Variants in SRGAP1 observed in about 807,000 individuals in gnomAD.
SRGAP1 encodes the protein SLIT-ROBO Rho GTPase-activating protein 1.
Under a neutral mutation model 121.9 loss-of-function variants are expected in SRGAP1, and 43 were observed. That is an observed-to-expected ratio of 0.35 (90% CI 0.28 to 0.46). The LOEUF (loss-of-function observed/expected upper bound fraction) is 0.46, where lower values mean the gene tolerates loss of function less well. Ranked by LOEUF, SRGAP1 falls within the 20% of genes least tolerant of loss-of-function variation. The probability of loss-of-function intolerance (pLI) is 1.00; values close to 1 mark genes in which losing one functional copy is unlikely to be tolerated. For synonymous variants in SRGAP1, 447 were observed against 485.4 expected, an observed-to-expected ratio of 0.92 and a Z score of 1.04; for missense variants, 1,102 against 1,350.9, an observed-to-expected ratio of 0.82 and a Z score of 2.89.
chr12:63,970,485 T>A (rs924582486), intron 1 of SRGAP1, among the ~76,000 whole-genome samples: 1 of 152,248 alleles, frequency 6.6e-6, no homozygotes, highest in African/African-American at 2.4e-5. Flanking sequence ...ATAGTATTTC[T>A]GCAATGCTGC....
intron 15 of SRGAP1, among the ~76,000 whole-genome samples, chr12:64,097,866 T>C (rs1181913460): frequency 1.3e-5 from 2 of 152,190 alleles, no homozygotes; most frequent in Non-Finnish European, 2.9e-5. Context: ...CCCAAGCTAA[T>C]AGGCAGAGTT....
chr12:63,885,920 G>T (rs146601436), intron 1 of SRGAP1, among the ~76,000 whole-genome samples: 61 of 152,326 alleles, frequency 4.0e-4, no homozygotes, highest in African/African-American at 1.4e-3. Flanking sequence ...AGAATCATCG[G>T]TGGGAAGAAA....
chr12:63,915,630 C>A (rs1370652723), intron 1 of SRGAP1, among the ~76,000 whole-genome samples: 2 of 152,124 alleles, frequency 1.3e-5, no homozygotes, highest in African/African-American at 4.8e-5. Context: ...CCAAGGAGAC[C>A]TGTGGAAATG....
intron 1 of SRGAP1, among the ~76,000 whole-genome samples, chr12:63,863,504 T>A (rs1383003654): frequency 6.6e-6 from 1 of 152,146 alleles, no homozygotes; most frequent in Non-Finnish European, 1.5e-5. Flanking sequence ...ACTCCTGGCC[T>A]TAAGTGATCT....
At chr12:64,115,927 T>G in intron 18 of SRGAP1, 34 bp downstream of exon 18, 3 of 1,534,060 alleles carry the variant, frequency 2.0e-6, no homozygotes, top group Non-Finnish European at 2.7e-6. Flanking sequence ...ATAAAGCCAG[T>G]CTTTATATCC....
chr12:63,875,705 A>G lies in SRGAP1; in HGVS notation c.67+30822A>G, dbSNP rs144765271. Among the ~76,000 whole-genome samples the G allele has an allele frequency of 8.1e-3, 1,230 of 152,346 alleles. 10 individuals are homozygous for G. Among genetic ancestry groups the G allele is most frequent in the Middle Eastern group, 0.02 (6 of 294 alleles). On this transcript the variant is annotated intron_variant, in intron 1 of 21. Transcript: ENST00000355086. ...AACTTGGAAGGTATTTTGGTGGGAC[A>G]GTAAGAGTGTATTTGTTTATATGAA...
In SRGAP1 at chr12:64,142,448, T is replaced by G. The variant is rs1565699900; in HGVS notation, c.3034T>G (p.Leu1012Val). The change falls in exon 22 of 22, where the codon TTG becomes GTG. Residue 1012 changes from leucine to valine, a missense_variant. Physicochemically the swap from Leu to Val is conservative, Grantham distance 32 (BLOSUM62 1). This residue lies in a region of SRGAP1 where 315 missense variants were observed against 343.1 expected (regional missense o/e 0.92). Coordinates refer to ENST00000355086, the MANE Select transcript of SRGAP1 (RefSeq NM_020762.4). ...PATSTESLSPLHNVALRSSEP... is the reference protein window; with the variant it reads ...PATSTESLSPVHNVALRSSEP... ...CACTTCCACGGAATCTCTCAGCCCT[T>G]TGCACAACGTTGCCCTCAGGAGCTC... 6.2e-7 allele frequency: 1 copy of G among 1,614,116 alleles called. No homozygotes were observed.
intron 1 of SRGAP1, among the ~76,000 whole-genome samples, chr12:63,876,429 C>T (rs144747768): frequency 2.4e-3 from 370 of 152,192 alleles, no homozygotes; most frequent in African/African-American, 8.2e-3. Context: ...GAATGTTAAT[C>T]GCATTTTATC....
intron 1 of SRGAP1, among the ~76,000 whole-genome samples, chr12:63,968,510 G>A (rs1466866939): frequency 1.3e-5 from 2 of 152,144 alleles, no homozygotes; most frequent in Non-Finnish European, 2.9e-5. Context: ...ACCGTCTCTT[G>A]TTACTTTACA....
intron 1 of SRGAP1, among the ~76,000 whole-genome samples, chr12:63,959,692 C>T (rs1205575476): frequency 2.1e-4 from 23 of 111,492 alleles, no homozygotes; most frequent in African/African-American, 2.1e-4. Flanking sequence ...ATAATAATTA[C>T]GTTTATTGAA....
At chr12:63,871,750 T>A (rs1899861933) in intron 1 of SRGAP1, 1 of 1,076,386 alleles carries the variant, frequency 9.3e-7, no homozygotes, top group African/African-American at 1.6e-5. Context: ...TAGAACTGGA[T>A]CACTTGGTCC....
At position 64,147,058 on chromosome 12, in the gene SRGAP1, A is replaced by G. The variant is rs1398317962; in HGVS notation, c.*4386A>G. ...CATTTGTGAATGCCCCCCTTAGAGCATTCATCCAAGTTCAGTGTGTAGTGT... is the reference window on the plus strand; with the variant it reads ...CATTTGTGAATGCCCCCCTTAGAGCGTTCATCCAAGTTCAGTGTGTAGTGT... On this transcript the variant is annotated 3_prime_UTR_variant, in exon 22 of 22. Coordinates refer to ENST00000355086, the MANE Select transcript of SRGAP1 (RefSeq NM_020762.4). The G allele has an allele frequency of 2.5e-5, 4 of 157,184 alleles. No homozygotes were observed. The highest frequency in any genetic ancestry group is 9.6e-5 in the African/African-American group (4 of 41,638). The allele number at this position is 157,184 out of a possible 1,614,324, so 9.7% of individuals were successfully genotyped here.
chr12:63,871,596 G>T, intron 1 of SRGAP1: 1 of 503,292 alleles, frequency 2.0e-6, no homozygotes, highest in Non-Finnish European at 3.5e-6. Context: ...GTAGGTTATG[G>T]CTCATGCAAG....
At chr12:64,104,808 T>C (rs1229238010) in intron 15 of SRGAP1, among the ~76,000 whole-genome samples, 2 of 152,142 alleles carry the variant, frequency 1.3e-5, no homozygotes, top group African/African-American at 4.8e-5. Flanking sequence ...TTTATCTAGT[T>C]TTTTTAGTGT....
chr12:63,989,729 A>G (rs3741606), intron 2 of SRGAP1, among the ~76,000 whole-genome samples, 181 bp from the exon 3 acceptor site: 78,937 of 152,116 alleles, frequency 0.52, 20,978 homozygotes, highest in African/African-American at 0.64. Context: ...GCTCTATGCC[A>G]TCCACAGGCT....
At chr12:63,848,123 A>G (rs1898962833) in intron 1 of SRGAP1, among the ~76,000 whole-genome samples, 1 of 151,776 alleles carries the variant, frequency 6.6e-6, no homozygotes, top group Non-Finnish European at 1.5e-5. Flanking sequence ...CTCCTGCCTC[A>G]GCCTCTGGAG....
chr12:64,153,873 C>A lies in SRGAP1; in HGVS notation c.*11201C>A, dbSNP rs547654471. 6 of 152,272 alleles carry A rather than the reference C, an allele frequency of 3.9e-5. No homozygotes were observed. The highest frequency in any genetic ancestry group is 3.9e-4 in the Admixed American group (6 of 15,302). The allele number at this position is 152,272 out of a possible 1,614,324, so 9.4% of individuals were successfully genotyped here. A position where few individuals can be genotyped will look rare whatever the true frequency, so the allele number is the denominator to read the frequency against. ...ACTCATGTTCACGCAGCTTAATTCA[C>A]AATAGCCACAAGAGAGAAGCAACCC... On this transcript the variant is annotated 3_prime_UTR_variant, in exon 22 of 22. Coordinates refer to ENST00000355086, the MANE Select transcript of SRGAP1 (RefSeq NM_020762.4).
intron 1 of SRGAP1, among the ~76,000 whole-genome samples, chr12:63,976,982 A>G (rs1307856127): frequency 6.6e-6 from 1 of 152,160 alleles, no homozygotes; most frequent in African/African-American, 2.4e-5. Flanking sequence ...TCTTGGGTTC[A>G]GATTTCTAGT....
At chr12:63,875,428 C>G (rs965273964) in intron 1 of SRGAP1, among the ~76,000 whole-genome samples, 5 of 152,060 alleles carry the variant, frequency 3.3e-5, no homozygotes, top group African/African-American at 1.2e-4. Flanking sequence ...TTTTTGTGTT[C>G]TTATGAATGC....
Sources: gnomAD v4.1 joint callset for allele counts (sites outside exome capture counted in the v4.1 genomes callset) on GRCh38, gnomAD v4.1.1 for gene constraint, gnomAD v4.1.1 regional missense constraint, MANE v1.5 for transcripts, NCBI Gene and HGNC (gene_info 2026-07-23, HGNC 2026-07-21) for gene names.